The following SLC39A10 variants were observed in gnomAD, a reference collection of about 807,000 sequenced individuals.
SLC39A10 encodes zinc transporter ZIP10.
In SLC39A10, 13 loss-of-function variants were observed where a neutral mutation model predicts 65.1. The observed-to-expected ratio is 0.20, with a 90% CI of 0.13 to 0.32. The LOEUF (loss-of-function observed/expected upper bound fraction) is 0.32. Ranked by LOEUF, SLC39A10 falls within the 10% of genes least tolerant of loss-of-function variation. The pLI, the probability that SLC39A10 is intolerant of heterozygous loss-of-function variation, is 1.00. For missense variants in SLC39A10, 831 were observed against 1,018.4 expected, an observed-to-expected ratio of 0.82 and a Z score of 2.50; for synonymous variants, 321 against 342.2, an observed-to-expected ratio of 0.94 and a Z score of 0.68.
At chr2:195,729,394 T>G (rs1194039389) in intron 9 of SLC39A10, among the ~76,000 whole-genome samples, 1 of 152,246 alleles carries the variant, frequency 6.6e-6, no homozygotes, top group East Asian at 1.9e-4. Context: ...TCATCTTCCC[T>G]GCTGACTTTT....
intron 9 of SLC39A10, among the ~76,000 whole-genome samples, chr2:195,733,524 A>G (rs2105852445): frequency 6.6e-6 from 1 of 152,202 alleles, no homozygotes; most frequent in East Asian, 1.9e-4. Context: ...TTAAGTATAT[A>G]AACTTTTCTT....
chr2:195,663,404 G>A (rs1016034903), intron 1 of SLC39A10, among the ~76,000 whole-genome samples: 8 of 152,190 alleles, frequency 5.3e-5, no homozygotes, highest in Admixed American at 5.2e-4. Flanking sequence ...CTTGATGAAA[G>A]GGGCTAGGGA....
chr2:195,710,730 A>T (rs1449128950), intron 5 of SLC39A10, among the ~76,000 whole-genome samples: 1 of 152,256 alleles, frequency 6.6e-6, no homozygotes, highest in Non-Finnish European at 1.5e-5. Flanking sequence ...AGGAGAGGTG[A>T]TTAAGATAGC....
At chr2:195,633,721 T>TG (rs145179541) in intron 2 of SLC39A10, among the ~76,000 whole-genome samples, 40,982 of 152,048 alleles carry the variant, frequency 0.27, 6,723 homozygotes, top group East Asian at 0.66. Context: ...CGGCCATCTT[T>TG]GCTGGACTCC....
At chr2:195,684,615 T>C (rs1004185194) in intron 3 of SLC39A10, among the ~76,000 whole-genome samples, 1 of 150,666 alleles carries the variant, frequency 6.6e-6, no homozygotes. Context: ...TTTCTTTTTC[T>C]CTTTTTTTTC....
chr2:195,671,071 T>C (rs1009714260), intron 1 of SLC39A10, among the ~76,000 whole-genome samples: 7 of 152,222 alleles, frequency 4.6e-5, no homozygotes, highest in Non-Finnish European at 1.0e-4. Context: ...ATTCCTCTCA[T>C]GATTCTGCCC....
intron 1 of SLC39A10, among the ~76,000 whole-genome samples, chr2:195,675,847 C>T (rs1690063927): frequency 6.6e-6 from 1 of 152,016 alleles, no homozygotes; most frequent in African/African-American, 2.4e-5. Context: ...AAGTTGCTTT[C>T]CAAAATGGCT....
At chr2:195,706,582 A>C in intron 3 of SLC39A10, 34 bp from the exon 4 acceptor site, 1 of 1,582,944 alleles carries the variant, frequency 6.3e-7, no homozygotes, top group East Asian at 2.3e-5. Flanking sequence ...TTAAATTGTT[A>C]TACTAATGTT....
chr2:195,736,673 TATTTCTTTA>T lies in SLC39A10; in HGVS notation c.*1637_*1645del, dbSNP rs1692618873. ...GCTATAAGCAAGGGAGCTTAGGTGT[TATTTCTTTA>T]ATTTATGCTTGAATCTGAAAAATTA... On this transcript the variant is annotated 3_prime_UTR_variant, in exon 10 of 10. Transcript: ENST00000359634. The T allele has an allele frequency of 6.6e-6, 1 of 152,218 alleles. No individual in the cohort carries two copies. Among genetic ancestry groups the T allele is most frequent in the African/African-American group, 2.4e-5 (1 of 41,454 alleles). 9.4% of individuals were successfully genotyped at this position (152,218 alleles called of 1,614,324 possible). A position where few individuals can be genotyped will look rare whatever the true frequency, so the allele number is the denominator to read the frequency against.
chr2:195,708,168 G>A (rs778131070), intron 4 of SLC39A10, among the ~76,000 whole-genome samples: 4 of 152,042 alleles, frequency 2.6e-5, no homozygotes, highest in Non-Finnish European at 5.9e-5. Flanking sequence ...AAGTTGACCT[G>A]TGTAACAAAC....
At chr2:195,635,140 A>T (rs964208658) in intron 2 of SLC39A10, among the ~76,000 whole-genome samples, 1 of 152,216 alleles carries the variant, frequency 6.6e-6, no homozygotes, top group Non-Finnish European at 1.5e-5. Flanking sequence ...CACTTTCCCA[A>T]ATTCAGTGTG....
intron 3 of SLC39A10, among the ~76,000 whole-genome samples, chr2:195,695,323 G>T (rs1009919622): frequency 3.3e-5 from 5 of 152,290 alleles, no homozygotes; most frequent in Middle Eastern, 3.4e-3. Flanking sequence ...ATGGAGTTTT[G>T]TTCCCAGGGG....
intron 3 of SLC39A10, among the ~76,000 whole-genome samples, chr2:195,695,655 C>G (rs1486104606): frequency 1.3e-5 from 2 of 152,196 alleles, no homozygotes; most frequent in African/African-American, 4.8e-5. Flanking sequence ...TGTGGTAGTT[C>G]TTGGAGGAAA....
chr2:195,689,400 T>C (rs1314366328), intron 3 of SLC39A10, among the ~76,000 whole-genome samples: 2 of 151,946 alleles, frequency 1.3e-5, no homozygotes, highest in Non-Finnish European at 2.9e-5. Flanking sequence ...CCAACCTGGA[T>C]AACGAAGTGA....
At chr2:195,670,325 CAA>C (rs1689807162) in intron 1 of SLC39A10, 1 of 151,182 alleles carries the variant, frequency 6.6e-6, no homozygotes, top group Non-Finnish European at 1.5e-5. Flanking sequence ...ATTGAGCTAA[CAA>C]ATACATTATC....
chr2:195,710,481 G>A (rs1691566541), intron 5 of SLC39A10, among the ~76,000 whole-genome samples: 1 of 152,158 alleles, frequency 6.6e-6, no homozygotes, highest in Non-Finnish European at 1.5e-5. Context: ...GCATATGTGT[G>A]TGTTTTGTAT....
chr2:195,730,005 A>G (rs1169834904), intron 9 of SLC39A10, among the ~76,000 whole-genome samples: 3 of 120,968 alleles, frequency 2.5e-5, no homozygotes, highest in South Asian at 2.5e-4. Context: ...GAGTCTCACT[A>G]TATTGCCCAG....
At chr2:195,617,266 T>C (rs1354243837) in intron 2 of SLC39A10, among the ~76,000 whole-genome samples, 1 of 152,166 alleles carries the variant, frequency 6.6e-6, no homozygotes, top group African/African-American at 2.4e-5. Flanking sequence ...AAAATTATTT[T>C]TTAAAAGTTA....
intron 9 of SLC39A10, among the ~76,000 whole-genome samples, chr2:195,732,513 T>G (rs191216484): frequency 6.6e-6 from 1 of 152,308 alleles, no homozygotes; most frequent in African/African-American, 2.4e-5. Context: ...CAGGTTAGAA[T>G]TAAATGTGGC....
Sources: gnomAD v4.1 joint callset for allele counts (sites outside exome capture counted in the v4.1 genomes callset) on GRCh38, gnomAD v4.1.1 for gene constraint, MANE v1.5 for transcripts, NCBI Gene and HGNC (gene_info 2026-07-23, HGNC 2026-07-21) for gene names.